The following COX10 variants were observed in gnomAD, a reference collection of about 807,000 sequenced individuals.
COX10 encodes protoheme IX farnesyltransferase, mitochondrial.
A neutral mutation model predicts 37.3 loss-of-function variants in COX10; 27 were observed. The observed-to-expected ratio is 0.72, with a 90% CI of 0.53 to 1.00. COX10 has a LOEUF of 1.00. Among genes scored for constraint, COX10 ranks in the 50% least tolerant of loss-of-function variants. The pLI is 0.00. For missense variants in COX10, 475 were observed against 563.2 expected, an observed-to-expected ratio of 0.84 and a Z score of 1.59; for synonymous variants, 222 against 229.1, an observed-to-expected ratio of 0.97 and a Z score of 0.28.
At chr17:14,155,717 AAAAAAAAAG>A (rs1301565622) in intron 4 of COX10, among the ~76,000 whole-genome samples, 5 of 127,630 alleles carry the variant, frequency 3.9e-5, no homozygotes, top group African/African-American at 8.7e-5. Context: ...TCCATCTCAA[AAAAAAAAAG>A]AAAAAAAAAG....
intron 6 of COX10, among the ~76,000 whole-genome samples, chr17:14,199,511 C>T (rs1428687249): frequency 1.3e-5 from 2 of 152,144 alleles, no homozygotes; most frequent in South Asian, 4.1e-4. Context: ...TCCCATCTTT[C>T]TCTCTAAGTG....
intron 3 of COX10, among the ~76,000 whole-genome samples, chr17:14,090,044 G>A (rs906294180): frequency 8.6e-5 from 13 of 151,848 alleles, no homozygotes; most frequent in African/African-American, 3.1e-4. Flanking sequence ...TCCTCTGCCT[G>A]TTCTCCCGCT....
chr17:14,200,356 A>G (rs1457832114), intron 6 of COX10, among the ~76,000 whole-genome samples: 4 of 152,194 alleles, frequency 2.6e-5, no homozygotes, highest in African/African-American at 7.2e-5. Flanking sequence ...TATGTTGTAG[A>G]ATGTTTGATA....
intron 4 of COX10, among the ~76,000 whole-genome samples, chr17:14,135,345 T>C (rs890224384): frequency 2.6e-5 from 4 of 151,904 alleles, no homozygotes; most frequent in East Asian, 1.9e-4. Context: ...TTGTTATGAA[T>C]GAAAATGTGT....
chr17:14,149,928 T>C (rs1049629403), intron 4 of COX10, among the ~76,000 whole-genome samples: 12 of 152,034 alleles, frequency 7.9e-5, no homozygotes, highest in African/African-American at 2.9e-4. Flanking sequence ...AGGGAGGATA[T>C]GACTGATTGG....
chr17:14,160,068 CAA>C, intron 5 of COX10, 121 bp downstream of exon 5: 1 of 880,770 alleles, frequency 1.1e-6, no homozygotes, highest in Non-Finnish European at 1.8e-6. Flanking sequence ...CACAAAGAAA[CAA>C]AGTGATATGG....
At position 14,208,288 on chromosome 17, in the gene COX10, A is replaced by C. The variant is rs1015291823; in HGVS notation, c.*1075A>C. ...GGCCAGGTGTGGTCTCGGTTACCAA[A>C]TACGGTTACCTGCAGCTTTTTAGTC... On this transcript the variant is annotated 3_prime_UTR_variant, in exon 7 of 7. Coordinates refer to ENST00000261643, the MANE Select transcript of COX10 (RefSeq NM_001303.4). 6.6e-6 allele frequency: 1 copy of C among 152,046 alleles called. No homozygotes were observed. Among genetic ancestry groups the C allele is most frequent in the African/African-American group, 2.4e-5 (1 of 41,392 alleles). The allele number at this position is 152,046 out of a possible 1,614,324, so 9.4% of individuals were successfully genotyped here. A position where few individuals can be genotyped will look rare whatever the true frequency, so the allele number is the denominator to read the frequency against.
intron 4 of COX10, among the ~76,000 whole-genome samples, chr17:14,104,123 G>A (rs897953507): frequency 1.3e-5 from 2 of 152,004 alleles, no homozygotes; most frequent in South Asian, 2.1e-4. Flanking sequence ...AGTGCTTGTG[G>A]TACAAGTGAA....
At chr17:14,158,251 G>T (rs1017248712) in intron 4 of COX10, among the ~76,000 whole-genome samples, 1 of 151,774 alleles carries the variant, frequency 6.6e-6, no homozygotes, top group Admixed American at 6.6e-5. Context: ...AAAATTAAAA[G>T]TAGGTAGTTT....
At chr17:14,079,642 T>C (rs1485253610) in intron 3 of COX10, among the ~76,000 whole-genome samples, 1 of 152,174 alleles carries the variant, frequency 6.6e-6, no homozygotes, top group Non-Finnish European at 1.5e-5. Flanking sequence ...TTTACGTATT[T>C]TAAAATTTCC....
At chr17:14,079,289 C>T (rs1271928106) in intron 3 of COX10, among the ~76,000 whole-genome samples, 1 of 152,162 alleles carries the variant, frequency 6.6e-6, no homozygotes, top group Non-Finnish European at 1.5e-5. Flanking sequence ...TATTATATTT[C>T]CCCTAAGGTT....
Position 14,175,086 on chromosome 17 carries a change from G to T in COX10, c.695+15139G>T, listed in dbSNP as rs867832168. Among the ~76,000 whole-genome samples, 21 of 51,370 alleles carry T rather than the reference G, an allele frequency of 4.1e-4. 2 individuals are homozygous for T. The highest frequency in any genetic ancestry group is 1.8e-3 in the African/African-American group (18 of 10,248). The allele number at this position is 51,370 out of a possible 152,430, so 33.7% of individuals were successfully genotyped here. A position where few individuals can be genotyped will look rare whatever the true frequency, so the allele number is the denominator to read the frequency against. The stretch of plus-strand genomic sequence containing the variant: ...ATCAGTGGTTACTGGGAAATAGCGG[G>T]GGGGGGGGGGGTGGATAGGAGGGAA... On this transcript the variant is annotated intron_variant, in intron 5 of 6. Coordinates refer to ENST00000261643, the MANE Select transcript of COX10 (RefSeq NM_001303.4).
intron 5 of COX10, among the ~76,000 whole-genome samples, 199 bp from the exon 6 acceptor site, chr17:14,191,790 A>T (rs1471286222): frequency 6.6e-6 from 1 of 152,232 alleles, no homozygotes; most frequent in Non-Finnish European, 1.5e-5. Context: ...CAAGAAGAGC[A>T]GCCAGAGCTC....
At chr17:14,130,586 T>C (rs1916442148) in intron 4 of COX10, among the ~76,000 whole-genome samples, 2 of 152,162 alleles carry the variant, frequency 1.3e-5, no homozygotes, top group African/African-American at 2.4e-5. Context: ...TCTACCCTTA[T>C]AGGATTTTTT....
rs1013684515 is a variant in COX10, at chr17:14,069,653, T to C, written c.43+5T>C. ...TCTCCTCACGCCTCCTGACAGGTAC[T>C]GTACCCGCCTTGGGCACGACCTTGG... On this transcript the variant is annotated splice_donor_5th_base_variant and intron_variant, in intron 1 of 6. Coordinates refer to ENST00000261643, the MANE Select transcript of COX10 (RefSeq NM_001303.4). 3 of 1,613,926 alleles carry C rather than the reference T, an allele frequency of 1.9e-6. No homozygotes were observed. Among genetic ancestry groups the C allele is most frequent in the African/African-American group, 1.3e-5 (1 of 74,940 alleles).
At chr17:14,087,000 T>C (rs1915422906) in intron 3 of COX10, among the ~76,000 whole-genome samples, 1 of 152,196 alleles carries the variant, frequency 6.6e-6, no homozygotes, top group South Asian at 2.1e-4. Context: ...CTGTGGCAGT[T>C]TTTGTTTCTT....
At chr17:14,175,111 A>C in intron 5 of COX10, among the ~76,000 whole-genome samples, 1 of 85,578 alleles carries the variant, frequency 1.2e-5, no homozygotes. Context: ...ATAGGAGGGA[A>C]TTGGCTATAG....
intron 5 of COX10, among the ~76,000 whole-genome samples, chr17:14,175,885 T>G (rs1485102565): frequency 6.6e-6 from 1 of 150,814 alleles, no homozygotes; most frequent in African/African-American, 2.4e-5. Context: ...ACACTATAAA[T>G]AGAAAGGCCA....
chr17:14,142,150 C>T (rs1022488050), intron 4 of COX10, among the ~76,000 whole-genome samples: 1 of 152,146 alleles, frequency 6.6e-6, no homozygotes, highest in Non-Finnish European at 1.5e-5. Flanking sequence ...AACTAGTATT[C>T]AAGACTCAAA....
Sources: allele counts gnomAD v4.1 joint callset (sites outside exome capture counted in the v4.1 genomes callset), GRCh38; gene constraint gnomAD v4.1.1; transcripts MANE v1.5; gene names NCBI Gene and HGNC (gene_info 2026-07-23, HGNC 2026-07-21).